Variants in TTC29 observed in about 807,000 individuals in gnomAD.
TTC29 encodes the protein tetratricopeptide repeat protein 29.
TTC29 carries 49 observed loss-of-function variants against 58.1 expected under a neutral mutation model. The ratio of observed to expected loss-of-function variants is 0.84; its 90% CI spans 0.67 to 1.07. TTC29 has a LOEUF of 1.07. Ranked by LOEUF, TTC29 falls within the 50% of genes least tolerant of loss-of-function variation. TTC29 has a pLI of 0.00. For missense variants in TTC29, 582 were observed against 555.6 expected (o/e 1.05, Z -0.48); for synonymous variants, 209 against 196.8 (o/e 1.06, Z -0.52).
chr4:146,918,127 C>G (rs1734360178), intron 4 of TTC29, among the ~76,000 whole-genome samples: 1 of 150,816 alleles, frequency 6.6e-6, no homozygotes, highest in Admixed American at 6.6e-5. Context: ...GTTACATATG[C>G]AAGTTTTGCT....
intron 11 of TTC29, among the ~76,000 whole-genome samples, chr4:146,780,465 A>G (rs867664013): frequency 6.6e-6 from 1 of 151,972 alleles, no homozygotes; most frequent in Non-Finnish European, 1.5e-5. Flanking sequence ...CTATCTTTTG[A>G]GGCCATCAAT....
At chr4:146,749,669 G>A (rs535683950) in intron 11 of TTC29, among the ~76,000 whole-genome samples, 1 of 152,112 alleles carries the variant, frequency 6.6e-6, no homozygotes, top group African/African-American at 2.4e-5. Context: ...GGAGAGATAA[G>A]GACATCCAGA....
At chr4:146,766,074 C>A (rs1017856973) in intron 11 of TTC29, among the ~76,000 whole-genome samples, 1 of 152,034 alleles carries the variant, frequency 6.6e-6, no homozygotes, top group African/African-American at 2.4e-5. Flanking sequence ...TACTCGGATT[C>A]ACAGTGTCTT....
intron 6 of TTC29, among the ~76,000 whole-genome samples, chr4:146,885,736 A>C (rs568877796): frequency 6.6e-6 from 1 of 152,212 alleles, no homozygotes; most frequent in African/African-American, 2.4e-5. Flanking sequence ...TAGTGGTAAA[A>C]ATTACAATTA....
chr4:146,799,115 CCT>C (rs2150113015), intron 11 of TTC29, among the ~76,000 whole-genome samples: 1 of 152,104 alleles, frequency 6.6e-6, no homozygotes, highest in African/African-American at 2.4e-5. Flanking sequence ...TGACTAGTAG[CCT>C]CTCTGAATGA....
chr4:146,927,779 C>T lies in TTC29; in HGVS notation c.176+9815G>A, dbSNP rs1226658435. On this transcript the variant is annotated intron_variant, in intron 4 of 12. Transcript: ENST00000325106. The stretch of plus-strand genomic sequence containing the variant: ...TTAAGTTGAAGCTGGAAGATAAAAG[C>T]TTGCCCAGTACACAAGGCATGAGAG... Among the ~76,000 whole-genome samples, 11 of 152,132 alleles carry T rather than the reference C, an allele frequency of 7.2e-5. No individual in the cohort carries two copies. In the East Asian group the frequency reaches 1.5e-3, roughly 21 times the overall value.
intron 6 of TTC29, among the ~76,000 whole-genome samples, chr4:146,889,835 A>G (rs1732230039): frequency 6.6e-6 from 1 of 152,184 alleles, no homozygotes. Context: ...AATGAGGTAA[A>G]AAGTAAAAAC....
intron 8 of TTC29, among the ~76,000 whole-genome samples, chr4:146,853,129 G>A (rs1429189223): frequency 6.6e-6 from 1 of 151,946 alleles, no homozygotes; most frequent in Non-Finnish European, 1.5e-5. Context: ...AGATATAATA[G>A]TTTACTTTTT....
intron 6 of TTC29, among the ~76,000 whole-genome samples, chr4:146,899,427 A>T (rs1000142585): frequency 6.6e-6 from 1 of 152,182 alleles, no homozygotes; most frequent in Non-Finnish European, 1.5e-5. Context: ...AACCTTACAA[A>T]TAAGGTCACA....
At chr4:146,820,017 T>A (rs1468026827) in intron 10 of TTC29, 108 bp downstream of exon 10, 13 of 1,444,728 alleles carry the variant, frequency 9.0e-6, no homozygotes, top group Non-Finnish European at 1.1e-5. Context: ...CCATTCTGCA[T>A]AATATATTGT....
chr4:146,919,160 T>C (rs2150300864), intron 4 of TTC29, among the ~76,000 whole-genome samples: 1 of 151,272 alleles, frequency 6.6e-6, no homozygotes, highest in African/African-American at 2.4e-5. Flanking sequence ...AAATGAGTGT[T>C]AAAGGAGAAT....
intron 11 of TTC29, among the ~76,000 whole-genome samples, chr4:146,761,578 G>T (rs1380811761): frequency 6.6e-6 from 1 of 151,676 alleles, no homozygotes; most frequent in Non-Finnish European, 1.5e-5. Flanking sequence ...AATATTTTTT[G>T]AGTTAGGGGG....
intron 11 of TTC29, among the ~76,000 whole-genome samples, chr4:146,781,268 T>C (rs1748578467): frequency 6.6e-6 from 1 of 151,976 alleles, no homozygotes; most frequent in Admixed American, 6.6e-5. Flanking sequence ...TGGCTTGACA[T>C]ATTTCCCAAT....
rs550809671 is a variant in TTC29, at chr4:146,792,684, T to A, written c.1330+10773A>T. Reference sequence around the variant, plus strand: ...TAAGAAATACTTTGTACAGCTTTAATATTATTTAATATTTAAGAAATATTT... The same window carrying A: ...TAAGAAATACTTTGTACAGCTTTAAAATTATTTAATATTTAAGAAATATTT... On this transcript the variant is annotated intron_variant, in intron 11 of 12. Transcript: ENST00000325106. Among the ~76,000 whole-genome samples, 4 of 152,326 alleles carry A rather than the reference T, an allele frequency of 2.6e-5. No individual in the cohort carries two copies. In the South Asian group the frequency reaches 8.3e-4, roughly 32 times the overall value.
intron 11 of TTC29, among the ~76,000 whole-genome samples, chr4:146,734,046 G>A (rs950305584): frequency 2.0e-5 from 3 of 152,118 alleles, no homozygotes; most frequent in African/African-American, 7.2e-5. Flanking sequence ...TTAGACAACT[G>A]GCCAAAGGAG....
chr4:146,728,797 A>T (rs1338612197), intron 11 of TTC29, among the ~76,000 whole-genome samples: 1 of 128,114 alleles, frequency 7.8e-6, no homozygotes, highest in Non-Finnish European at 1.7e-5. Context: ...ATATATACGT[A>T]TATATACACA....
At chr4:146,750,152 C>T (rs1457813210) in intron 11 of TTC29, among the ~76,000 whole-genome samples, 19 of 152,030 alleles carry the variant, frequency 1.2e-4, no homozygotes, top group Admixed American at 7.2e-4. Flanking sequence ...GGACTACAGG[C>T]GCCTGCCACC....
At chr4:146,812,849 T>C (rs1286516722) in intron 10 of TTC29, 2 of 152,248 alleles carry the variant, frequency 1.3e-5, no homozygotes, top group East Asian at 3.8e-4. Context: ...AAAGGTTAAA[T>C]ACAACTTTCT....
At chr4:146,796,422 AACTT>A in intron 11 of TTC29, among the ~76,000 whole-genome samples, 2 of 152,288 alleles carry the variant, frequency 1.3e-5, no homozygotes, top group Middle Eastern at 6.8e-3. Context: ...TCAAATGAGA[AACTT>A]ACACAAGGTG....
Sources: allele counts gnomAD v4.1 joint callset (sites outside exome capture counted in the v4.1 genomes callset), GRCh38; gene constraint gnomAD v4.1.1; transcripts MANE v1.5; gene names NCBI Gene and HGNC (gene_info 2026-07-23, HGNC 2026-07-21).